Variants in GRIA4 observed in about 807,000 individuals in gnomAD.
GRIA4 encodes the protein glutamate receptor 4.
GRIA4 carries 34 observed loss-of-function variants against 104.0 expected under a neutral mutation model. The ratio of observed to expected loss-of-function variants is 0.33; its 90% CI spans 0.25 to 0.44. The LOEUF (loss-of-function observed/expected upper bound fraction) is 0.44. Among genes scored for constraint, GRIA4 ranks in the 20% least tolerant of loss-of-function variants. GRIA4 has a pLI of 1.00. For missense variants in GRIA4, 750 were observed against 1,096.5 expected (o/e 0.68, Z 4.46); for synonymous variants, 386 against 381.9 (o/e 1.01, Z -0.13).
chr11:105,942,523 A>G (rs1445389365), intron 14 of GRIA4, among the ~76,000 whole-genome samples: 4 of 152,058 alleles, frequency 2.6e-5, no homozygotes, highest in Non-Finnish European at 4.4e-5. Context: ...TCGTTTTATT[A>G]TAGAGGAAGG....
intron 3 of GRIA4, among the ~76,000 whole-genome samples, chr11:105,663,218 A>G (rs1952066305): frequency 6.6e-6 from 1 of 151,930 alleles, no homozygotes; most frequent in Non-Finnish European, 1.5e-5. Flanking sequence ...TTTAATTTAG[A>G]TTATATATTC....
intron 4 of GRIA4, among the ~76,000 whole-genome samples, chr11:105,795,631 T>A (rs1280166050): frequency 6.6e-6 from 1 of 151,864 alleles, no homozygotes; most frequent in Non-Finnish European, 1.5e-5. Flanking sequence ...GAGTAAAAGA[T>A]CACTCTGGAG....
At chr11:105,919,290 A>C (rs1475143379) in intron 11 of GRIA4, among the ~76,000 whole-genome samples, 2 of 152,140 alleles carry the variant, frequency 1.3e-5, no homozygotes, top group South Asian at 2.1e-4. Context: ...TTCCTTCAAC[A>C]ATATAAAGAT....
chr11:105,623,015 C>G (rs955991453), intron 3 of GRIA4, among the ~76,000 whole-genome samples: 11 of 148,312 alleles, frequency 7.4e-5, no homozygotes, highest in Non-Finnish European at 1.3e-4. Flanking sequence ...GAAAACAACA[C>G]AATTTCATTC....
At chr11:105,915,714 G>T (rs1253706110) in intron 10 of GRIA4, among the ~76,000 whole-genome samples, 2 of 152,072 alleles carry the variant, frequency 1.3e-5, no homozygotes, top group Non-Finnish European at 2.9e-5. Flanking sequence ...ATGCAGAAAT[G>T]CATTTCTTTA....
At chr11:105,676,746 A>G (rs906852883) in intron 3 of GRIA4, among the ~76,000 whole-genome samples, 2 of 151,818 alleles carry the variant, frequency 1.3e-5, no homozygotes, top group African/African-American at 4.8e-5. Context: ...AATGAATTCA[A>G]TTATGGAAGC....
Position 105,843,732 on chromosome 11 carries a change from T to C in GRIA4, c.488-18292T>C, listed in dbSNP as rs1424269674. Among the ~76,000 whole-genome samples, 3 of 152,206 alleles carry C rather than the reference T, an allele frequency of 2.0e-5. No individual in the cohort carries two copies. The East Asian group carries it at 5.8e-4, about 29-fold the overall frequency. On this transcript the variant is annotated intron_variant, in intron 4 of 16. Coordinates refer to ENST00000282499, the MANE Select transcript of GRIA4 (RefSeq NM_000829.4). ...GGTTTCTGAAATAAAATGGAAGTGC[T>C]GGGACGATCGTATGTGACTCCTCAG...
chr11:105,812,962 A>C (rs559398114), intron 4 of GRIA4, among the ~76,000 whole-genome samples: 32 of 151,916 alleles, frequency 2.1e-4, no homozygotes, highest in Non-Finnish European at 4.3e-4. Flanking sequence ...TTAGCTGGGC[A>C]TAATGGTGGG....
chr11:105,781,664 T>G (rs1941733779), intron 4 of GRIA4, among the ~76,000 whole-genome samples: 1 of 152,146 alleles, frequency 6.6e-6, no homozygotes, highest in African/African-American at 2.4e-5. Context: ...TATAGGTCGG[T>G]GTAATTGAAT....
intron 3 of GRIA4, among the ~76,000 whole-genome samples, chr11:105,655,385 A>G (rs140412279): frequency 6.6e-6 from 1 of 152,220 alleles, no homozygotes; most frequent in Non-Finnish European, 1.5e-5. Flanking sequence ...CATGTGCAGA[A>G]TGTGCAGGTT....
intron 16 of GRIA4, 143 bp downstream of exon 16, chr11:105,974,587 G>A (rs751736946): frequency 1.2e-6 from 2 of 1,600,424 alleles, no homozygotes; most frequent in Non-Finnish European, 8.5e-7. Flanking sequence ...ACAGTGAGTG[G>A]GGGATGCATC....
At chr11:105,663,983 G>T (rs1388815883) in intron 3 of GRIA4, among the ~76,000 whole-genome samples, 4 of 151,190 alleles carry the variant, frequency 2.6e-5, no homozygotes, top group Non-Finnish European at 5.9e-5. Flanking sequence ...TTACTACCAT[G>T]ATAATAATAT....
chr11:105,931,181 T>A (rs1947862727), intron 13 of GRIA4, among the ~76,000 whole-genome samples: 1 of 151,784 alleles, frequency 6.6e-6, no homozygotes, highest in Non-Finnish European at 1.5e-5. Flanking sequence ...ATCCAAGTAC[T>A]CATCAGTCCT....
chr11:105,645,983 G>T (rs1010288091), intron 3 of GRIA4, among the ~76,000 whole-genome samples: 6 of 151,854 alleles, frequency 4.0e-5, no homozygotes, highest in Non-Finnish European at 8.8e-5. Flanking sequence ...AGAAGAAGGA[G>T]ATTACCTACA....
At chr11:105,866,716 G>T (rs568169465) in intron 5 of GRIA4, among the ~76,000 whole-genome samples, 3 of 151,400 alleles carry the variant, frequency 2.0e-5, no homozygotes, top group African/African-American at 7.3e-5. Context: ...TAAAATATAT[G>T]ATTTCTTTTA....
At chr11:105,912,633 T>C in intron 10 of GRIA4, 1 of 636,938 alleles carries the variant, frequency 1.6e-6, no homozygotes, top group Non-Finnish European at 1.9e-6. Context: ...AATAGTATAA[T>C]ACTAGTATCT....
In GRIA4 at chr11:105,764,835, T is replaced by A. The variant is rs184822506; in HGVS notation, c.487+11615T>A. 2.1e-3 allele frequency among the ~76,000 whole-genome samples: 326 copies of A among 152,204 alleles called. 2 individuals are homozygous for A. The highest frequency in any genetic ancestry group is 7.2e-3 in the African/African-American group (297 of 41,536). On this transcript the variant is annotated intron_variant, in intron 4 of 16. Transcript: ENST00000282499. ...TTAGAGAGGGAATTTTTTACTTTTTTAAAAAATAGTCCTCTTAGCAACACC... is the reference window on the plus strand; with the variant it reads ...TTAGAGAGGGAATTTTTTACTTTTTAAAAAAATAGTCCTCTTAGCAACACC...
rs560925695 is a variant in GRIA4 at position 105,697,903 on chromosome 11, A to C, written c.248-55078A>C. On this transcript the variant is annotated intron_variant, in intron 3 of 16. Transcript: ENST00000282499. ...AGAGAGAGAGCCTATAGCTTTCATC[A>C]GCTTTTCAAAGGCATGCTTTTTTCC... Among the ~76,000 whole-genome samples the C allele has an allele frequency of 7.2e-5, 11 of 152,284 alleles. No individual in the cohort carries two copies. The South Asian group carries it at 2.1e-3, about 29-fold the overall frequency.
chr11:105,951,903 C>T (rs964908256), intron 14 of GRIA4, among the ~76,000 whole-genome samples: 1 of 152,036 alleles, frequency 6.6e-6, no homozygotes, highest in Non-Finnish European at 1.5e-5. Flanking sequence ...GTCAGGGCTG[C>T]AGTGAGCCAT....
Sources: allele counts gnomAD v4.1 joint callset (sites outside exome capture counted in the v4.1 genomes callset), GRCh38; gene constraint gnomAD v4.1.1; transcripts MANE v1.5; gene names NCBI Gene and HGNC (gene_info 2026-07-23, HGNC 2026-07-21).